The following PARP11 variants were observed in gnomAD, a reference collection of about 807,000 sequenced individuals.
The protein encoded by PARP11 is protein mono-ADP-ribosyltransferase PARP11.
Under a neutral mutation model 42.9 loss-of-function variants are expected in PARP11, and 31 were observed. That is an observed-to-expected ratio of 0.72 (90% confidence interval 0.54 to 0.98). The LOEUF (loss-of-function observed/expected upper bound fraction) is 0.98, where lower values mean the gene tolerates loss of function less well. Ranked by LOEUF, PARP11 falls within the 50% of genes least tolerant of loss-of-function variation. The probability of loss-of-function intolerance (pLI) is 0.00; values close to 1 mark genes in which losing one functional copy is unlikely to be tolerated. For missense variants in PARP11, 365 were observed against 413.1 expected (o/e 0.88, Z 1.01); for synonymous variants, 137 against 127.3 (o/e 1.08, Z -0.51).
chr12:3,854,325 C>CA (rs1481695195), intron 1 of PARP11, among the ~76,000 whole-genome samples: 1 of 151,810 alleles, frequency 6.6e-6, no homozygotes, highest in African/African-American at 2.4e-5. Flanking sequence ...AAAAACTCTT[C>CA]AAAAAAACAA....
At chr12:3,824,528 T>C (rs1052367771) in intron 4 of PARP11, 17 of 385,426 alleles carry the variant, frequency 4.4e-5, no homozygotes, top group Non-Finnish European at 6.0e-5. Context: ...CCACAGTAAA[T>C]AAATATTTCT....
chr12:3,813,797 C>T (rs746598848), intron 7 of PARP11, among the ~76,000 whole-genome samples: 4 of 152,116 alleles, frequency 2.6e-5, no homozygotes, highest in African/African-American at 4.8e-5. Flanking sequence ...TTATAAATAA[C>T]GTGAAGTTTT....
In PARP11 at chr12:3,828,983, T is replaced by G; in HGVS notation, c.195A>C (p.Lys65Asn). The G allele has an allele frequency of 6.2e-7, 1 of 1,614,014 alleles. No individual in the cohort carries two copies. Among genetic ancestry groups the G allele is most frequent in the Non-Finnish European group, 8.5e-7 (1 of 1,179,914 alleles). The change falls in exon 3 of 8, where the codon AAA (lysine) becomes AAC (asparagine). Residue 65 changes from lysine to asparagine, a missense_variant. Transcript: ENST00000228820. ...QCSVSSEDIE[K>N]SFKTNPCGSI... ...AGCCACAAGGGTTTGTTTTGAAGCT[T>G]TTTTCGATATCTTCACTGCTAACTG...
intron 1 of PARP11, among the ~76,000 whole-genome samples, chr12:3,851,377 G>A (rs1174296626): frequency 2.0e-5 from 3 of 152,214 alleles, no homozygotes; most frequent in Non-Finnish European, 4.4e-5. Flanking sequence ...GTGACAGATT[G>A]TACCAGGAAA....
Position 3,873,223 on chromosome 12 carries a change from C to G in PARP11, c.7G>C (p.Glu3Gln). The change falls in exon 1 of 8, where the codon GAA becomes CAA. Residue 3 changes from glutamate (E) to glutamine (Q), a missense_variant. Physicochemically the swap from Glu to Gln is conservative, Grantham distance 29 (BLOSUM62 2). Coordinates refer to ENST00000228820, the MANE Select transcript of PARP11 (RefSeq NM_020367.6). The stretch of plus-strand genomic sequence containing the variant: ...GCCCGGCTACTCACTGGATTCGCTT[C>G]CCACATAACGGTGACAAAATCGAGC... MW[E>Q]ANPEMFHKAE... 1 of 1,509,596 alleles carries G rather than the reference C, an allele frequency of 6.6e-7. No individual in the cohort carries two copies. Among genetic ancestry groups the G allele is most frequent in the East Asian group, 2.6e-5 (1 of 38,344 alleles). The allele number at this position is 1,509,596 out of a possible 1,614,324, so 93.5% of individuals were successfully genotyped here.
chr12:3,826,278 G>T, intron 3 of PARP11, 45 bp from the exon 4 acceptor site: 1 of 1,327,622 alleles, frequency 7.5e-7, no homozygotes, highest in Non-Finnish European at 1.0e-6. Context: ...AAAGTACACT[G>T]TACTATAAAG....
intron 4 of PARP11, among the ~76,000 whole-genome samples, chr12:3,822,564 A>C (rs1947421346): frequency 6.8e-6 from 1 of 147,550 alleles, no homozygotes; most frequent in Non-Finnish European, 1.5e-5. Flanking sequence ...GCGCCACTGC[A>C]CTCCAGCCTG....
intron 1 of PARP11, among the ~76,000 whole-genome samples, chr12:3,854,371 A>C (rs1591532802): frequency 6.6e-6 from 1 of 152,184 alleles, no homozygotes; most frequent in East Asian, 1.9e-4. Flanking sequence ...AAGATCAACA[A>C]AATTGATAGA....
chr12:3,820,408 T>C (rs1947369577), intron 6 of PARP11, among the ~76,000 whole-genome samples: 1 of 152,192 alleles, frequency 6.6e-6, no homozygotes, highest in South Asian at 2.1e-4. Context: ...TTTTGTACTG[T>C]CATGGCAGGT....
At position 3,873,266 on chromosome 12, in the gene PARP11, A is replaced by C; in HGVS notation, c.-37T>G. 1 of 1,549,588 alleles carries C rather than the reference A, an allele frequency of 6.5e-7. No individual in the cohort carries two copies. Among genetic ancestry groups the C allele is most frequent in the East Asian group, 2.4e-5 (1 of 40,856 alleles). On this transcript the variant is annotated 5_prime_UTR_variant, in exon 1 of 8. Coordinates refer to ENST00000228820, the MANE Select transcript of PARP11 (RefSeq NM_020367.6). ...AATCGAGCGGAGAGAGCCTGTGGGA[A>C]GGGGCTAGCCGCGGGGCCTGGGTGT...
chr12:3,857,744 G>A (rs1948218974), intron 1 of PARP11, among the ~76,000 whole-genome samples: 2 of 152,046 alleles, frequency 1.3e-5, no homozygotes, highest in South Asian at 4.1e-4. Flanking sequence ...AGTGAAGCTA[G>A]ACTGTAAGAT....
intron 1 of PARP11, among the ~76,000 whole-genome samples, chr12:3,869,614 C>T (rs1948441389): frequency 6.6e-6 from 1 of 152,194 alleles, no homozygotes; most frequent in Non-Finnish European, 1.5e-5. Context: ...CAACCTTTAC[C>T]TGGCTAACGC....
intron 3 of PARP11, 129 bp from the exon 4 acceptor site, chr12:3,826,362 G>A (rs1366190152): frequency 1.0e-5 from 6 of 591,752 alleles, no homozygotes; most frequent in Non-Finnish European, 1.7e-5. Context: ...GGCAAGCATA[G>A]TGTATTATGG....
intron 1 of PARP11, among the ~76,000 whole-genome samples, chr12:3,831,554 A>T (rs1235929465): frequency 6.6e-6 from 1 of 152,176 alleles, no homozygotes; most frequent in Non-Finnish European, 1.5e-5. Flanking sequence ...TAAATGAATG[A>T]GACAATGTTA....
intron 1 of PARP11, 56 bp downstream of exon 1, chr12:3,873,156 C>G (rs1016427613): frequency 5.1e-5 from 71 of 1,393,480 alleles, no homozygotes; most frequent in Non-Finnish European, 6.7e-5. Flanking sequence ...CCCCCTCCCG[C>G]CCCTCTCTCA....
chr12:3,842,055 T>A, intron 1 of PARP11: 1 of 1,609,182 alleles, frequency 6.2e-7, no homozygotes, highest in Non-Finnish European at 8.5e-7. Context: ...AGGGAAAGGC[T>A]CACCCTCCCA....
intron 1 of PARP11, among the ~76,000 whole-genome samples, chr12:3,854,824 C>A (rs937466032): frequency 2.6e-4 from 39 of 150,542 alleles, no homozygotes; most frequent in African/African-American, 8.3e-4. Flanking sequence ...AGAGAAACAA[C>A]AAAAAAAAAG....
chr12:3,855,665 A>G (rs1035751183), intron 1 of PARP11, among the ~76,000 whole-genome samples: 3 of 152,228 alleles, frequency 2.0e-5, no homozygotes, highest in Non-Finnish European at 2.9e-5. Context: ...GCTCATGGAT[A>G]GGAAGAATCA....
chr12:3,819,794 A>G (rs971358595), intron 6 of PARP11, among the ~76,000 whole-genome samples: 1 of 152,206 alleles, frequency 6.6e-6, no homozygotes, highest in Non-Finnish European at 1.5e-5. Flanking sequence ...ACTAAAGACG[A>G]TCACACAACC....
Sources: allele counts gnomAD v4.1 joint callset (sites outside exome capture counted in the v4.1 genomes callset), GRCh38; gene constraint gnomAD v4.1.1; transcripts MANE v1.5; gene names NCBI Gene and HGNC (gene_info 2026-07-23, HGNC 2026-07-21).